The following TPR variants were observed in gnomAD, a reference collection of about 807,000 sequenced individuals.
TPR encodes nucleoprotein TPR.
TPR carries 51 observed loss-of-function variants against 316.1 expected under a neutral mutation model. The observed-to-expected ratio is 0.16, with a 90% CI of 0.13 to 0.20. The LOEUF (loss-of-function observed/expected upper bound fraction) is 0.20. Ranked by LOEUF, TPR falls within the 10% of genes least tolerant of loss-of-function variation. The pLI is 1.00. For missense variants in TPR, 2,272 were observed against 2,754.8 expected (o/e 0.82, Z 3.92); for synonymous variants, 981 against 914.7 (o/e 1.07, Z -1.31).
intron 45 of TPR, among the ~76,000 whole-genome samples, chr1:186,321,362 C>T (rs1404548273): frequency 6.6e-6 from 1 of 152,184 alleles, no homozygotes; most frequent in South Asian, 2.1e-4. Context: ...AATACCTTAG[C>T]CACGAATAAA....
chr1:186,334,182 T>C, intron 36 of TPR, 143 bp downstream of exon 36: 1 of 857,626 alleles, frequency 1.2e-6, no homozygotes, highest in South Asian at 2.6e-5. Context: ...CCTAGAAGTA[T>C]GTCCTTCAAA....
At position 186,375,207 on chromosome 1, in the gene TPR, T is replaced by TCAGCGGCAGCGTTTCAG; in HGVS notation, c.-196_-180dup. 6.7e-7 allele frequency: 1 copy of TCAGCGGCAGCGTTTCAG among 1,498,808 alleles called. No homozygotes were observed. The highest frequency in any genetic ancestry group is 1.3e-5 in the South Asian group (1 of 78,896). The allele number at this position is 1,498,808 out of a possible 1,614,324, so 92.8% of individuals were successfully genotyped here. Reference sequence around the variant, plus strand: ...GGACCCTGGGAAATCGAGTCCACCCTCAGCGGCAGCGTTTCAGCAACAGCA... The same window carrying TCAGCGGCAGCGTTTCAG: ...GGACCCTGGGAAATCGAGTCCACCCTCAGCGGCAGCGTTTCAGCAGCGGCAGCGTTTCAGCAACAGCA... On this transcript the variant is annotated 5_prime_UTR_variant, in exon 1 of 51. Coordinates refer to ENST00000367478, the MANE Select transcript of TPR (RefSeq NM_003292.3).
intron 1 of TPR, among the ~76,000 whole-genome samples, chr1:186,374,585 T>A (rs1385984274): frequency 1.3e-5 from 2 of 152,168 alleles, no homozygotes; most frequent in African/African-American, 2.4e-5. Flanking sequence ...GAGAGATGGG[T>A]TCGCAGACTC....
intron 27 of TPR, 124 bp downstream of exon 27, chr1:186,343,202 A>T: frequency 1.5e-6 from 2 of 1,291,460 alleles, no homozygotes; most frequent in Non-Finnish European, 2.1e-6. Context: ...ATGCTTAATG[A>T]ATTTACAAGT....
chr1:186,353,144 G>A lies in TPR; in HGVS notation c.2334+544C>T, dbSNP rs544731739. ...TCCCAGCACTTTGGGAGGCTAAGGC[G>A]GGCAAATCACGAGGTCAGTAGATCG... On this transcript the variant is annotated intron_variant, in intron 18 of 50. Coordinates refer to ENST00000367478, the MANE Select transcript of TPR (RefSeq NM_003292.3). 3.9e-5 allele frequency among the ~76,000 whole-genome samples: 6 copies of A among 152,218 alleles called. No individual in the cohort carries two copies. In the East Asian group the frequency reaches 5.8e-4, roughly 15 times the overall value.
intron 2 of TPR, among the ~76,000 whole-genome samples, chr1:186,371,252 A>C (rs1350467871): frequency 6.6e-6 from 1 of 152,182 alleles, no homozygotes; most frequent in Non-Finnish European, 1.5e-5. Flanking sequence ...CCTGTCTCCA[A>C]ATCAAATGTA....
intron 36 of TPR, among the ~76,000 whole-genome samples, chr1:186,334,053 G>T (rs1658266450): frequency 6.6e-6 from 1 of 152,118 alleles, no homozygotes; most frequent in Admixed American, 6.6e-5. Context: ...AAAAATTGAA[G>T]AAAGCAATGA....
intron 19 of TPR, among the ~76,000 whole-genome samples, chr1:186,351,691 A>G (rs1334413297): frequency 6.6e-6 from 1 of 152,188 alleles, no homozygotes; most frequent in African/African-American, 2.4e-5. Context: ...CAGATTTCCC[A>G]AAGTTTTAAA....
At position 186,313,097 on chromosome 1, in the gene TPR, T is replaced by C; in HGVS notation, c.*874A>G. 1.7e-6 allele frequency: 1 copy of C among 575,316 alleles called. No individual in the cohort carries two copies. Among genetic ancestry groups the C allele is most frequent in the South Asian group, 2.0e-5 (1 of 49,866 alleles). 35.6% of individuals were successfully genotyped at this position (575,316 alleles called of 1,614,324 possible). A position where few individuals can be genotyped will look rare whatever the true frequency, so the allele number is the denominator to read the frequency against. On this transcript the variant is annotated 3_prime_UTR_variant, in exon 51 of 51. Coordinates refer to ENST00000367478, the MANE Select transcript of TPR (RefSeq NM_003292.3). ...ACTGCAATTCAATTCTGCTCTAACCTTCATGAGATTACGATAAAACATCCA... is the reference window on the plus strand; with the variant it reads ...ACTGCAATTCAATTCTGCTCTAACCCTCATGAGATTACGATAAAACATCCA...
chr1:186,314,443 C>A, intron 50 of TPR, 186 bp downstream of exon 50: 1 of 428,964 alleles, frequency 2.3e-6, no homozygotes, highest in African/African-American at 2.0e-5. Context: ...TATTATATAT[C>A]TAAGGTATAC....
At chr1:186,331,904 G>C (rs1465818939) in intron 38 of TPR, among the ~76,000 whole-genome samples, 1 of 152,034 alleles carries the variant, frequency 6.6e-6, no homozygotes, top group Non-Finnish European at 1.5e-5. Context: ...GCAGGTAACA[G>C]TTTATGTCCA....
At chr1:186,365,391 T>C (rs1407183212) in intron 4 of TPR, among the ~76,000 whole-genome samples, 1 of 151,898 alleles carries the variant, frequency 6.6e-6, no homozygotes, top group Non-Finnish European at 1.5e-5. Context: ...CCACCGTACC[T>C]GGCCAAGGGG....
At chr1:186,325,650 G>T in intron 42 of TPR, 114 bp downstream of exon 42, 1 of 804,324 alleles carries the variant, frequency 1.2e-6, no homozygotes, top group Non-Finnish European at 1.9e-6. Flanking sequence ...TAGAACAGGG[G>T]CCAATCTCTT....
At chr1:186,363,044 A>G in intron 5 of TPR, 43 bp from the exon 6 acceptor site, 1 of 1,549,214 alleles carries the variant, frequency 6.5e-7, no homozygotes, top group South Asian at 1.2e-5. Flanking sequence ...TAAAGATGAT[A>G]TATGATTATT....
chr1:186,340,611 T>G (rs1342179283), intron 29 of TPR, among the ~76,000 whole-genome samples: 1 of 151,928 alleles, frequency 6.6e-6, no homozygotes, highest in African/African-American at 2.4e-5. Flanking sequence ...TTTAATTTTT[T>G]GTAGAGTTGG....
intron 17 of TPR, chr1:186,354,082 C>T (rs1658951404): frequency 2.5e-6 from 1 of 397,268 alleles, no homozygotes; most frequent in African/African-American, 2.1e-5. Context: ...TTTGCCTCAA[C>T]CTCAAACAGC....
intron 50 of TPR, 49 bp downstream of exon 50, chr1:186,314,580 A>AT: frequency 7.0e-7 from 1 of 1,428,338 alleles, no homozygotes; most frequent in Non-Finnish European, 9.6e-7. Flanking sequence ...TGTTCCATTT[A>AT]TTACTATTCC....
intron 39 of TPR, among the ~76,000 whole-genome samples, chr1:186,331,067 G>C (rs1056809592): frequency 2.6e-5 from 4 of 151,940 alleles, no homozygotes; most frequent in Non-Finnish European, 5.9e-5. Context: ...CTCAATGAGA[G>C]ATCAAAAAAT....
In TPR at chr1:186,322,818, A is replaced by G. The variant is rs569885713; in HGVS notation, c.6298-232T>C. On this transcript the variant is annotated intron_variant, in intron 43 of 50. Coordinates refer to ENST00000367478, the MANE Select transcript of TPR (RefSeq NM_003292.3). ...AATCATTCTATTAACCAACAGACCAATTATTAACCAATACTTAAAACAGAT... is the reference window on the plus strand; with the variant it reads ...AATCATTCTATTAACCAACAGACCAGTTATTAACCAATACTTAAAACAGAT... 7.4e-4 allele frequency: 364 copies of G among 493,256 alleles called. 1 individual carries two copies. The highest frequency in any genetic ancestry group is 1.1e-3 in the Non-Finnish European group (308 of 272,504). 30.6% of individuals were successfully genotyped at this position (493,256 alleles called of 1,614,324 possible).
Sources: allele counts gnomAD v4.1 joint callset (sites outside exome capture counted in the v4.1 genomes callset), GRCh38; gene constraint gnomAD v4.1.1; transcripts MANE v1.5; gene names NCBI Gene and HGNC (gene_info 2026-07-23, HGNC 2026-07-21).